MEI4: variants seen among roughly 807,000 people sequenced by gnomAD.
MEI4 encodes the protein meiosis-specific protein MEI4.
MEI4 carries 27 observed loss-of-function variants against 31.4 expected under a neutral mutation model. That is an observed-to-expected ratio of 0.86 (90% CI 0.63 to 1.19). The LOEUF (loss-of-function observed/expected upper bound fraction) is 1.19. MEI4 is among the 50% of genes most tolerant of loss of function. The pLI, the probability that MEI4 is intolerant of heterozygous loss-of-function variation, is 0.00. For synonymous variants in MEI4, 122 were observed against 145.4 expected (o/e 0.84, Z 1.16); for missense variants, 329 against 398.9 (o/e 0.82, Z 1.49).
intron 3 of MEI4, among the ~76,000 whole-genome samples, chr6:77,777,827 T>C (rs866405870): frequency 2.0e-5 from 3 of 152,098 alleles, no homozygotes; most frequent in Non-Finnish European, 2.9e-5. Context: ...GGTAAAAGCA[T>C]GTTTTACAAC....
At chr6:77,810,691 A>G (rs1362027002) in intron 3 of MEI4, among the ~76,000 whole-genome samples, 1 of 152,208 alleles carries the variant, frequency 6.6e-6, no homozygotes, top group East Asian at 1.9e-4. Flanking sequence ...GGAAAAATAC[A>G]TGTTATAGAC....
chr6:77,895,517 A>G (rs1201770357), intron 4 of MEI4, among the ~76,000 whole-genome samples: 1 of 152,172 alleles, frequency 6.6e-6, no homozygotes, highest in African/African-American at 2.4e-5. Context: ...TTGAGTCTGC[A>G]GGATCATCAT....
rs192506987 is a variant in MEI4, at chr6:77,757,756, A to T, written c.233-3374A>T. 1.8e-4 allele frequency among the ~76,000 whole-genome samples: 28 copies of T among 152,342 alleles called. 2 individuals are homozygous for T. In the East Asian group the frequency reaches 3.3e-3, roughly 18 times the overall value. On this transcript the variant is annotated intron_variant, in intron 2 of 4. Coordinates refer to ENST00000684080, the MANE Select transcript of MEI4 (RefSeq NM_001322247.2). ...AAAGAAAAGTATAATTTTCTAGATT[A>T]GTGTAGTCCGTATTTCCCCTTTATT... is the stretch of plus-strand genomic sequence containing the variant.
At chr6:77,814,561 G>A (rs73760899) in intron 3 of MEI4, among the ~76,000 whole-genome samples, 2,956 of 152,150 alleles carry the variant, frequency 0.019, 100 homozygotes, top group African/African-American at 0.067. Context: ...TAAGCCAAAA[G>A]GAAAGCATTA....
chr6:77,680,165 G>C (rs1220790848), intron 1 of MEI4, among the ~76,000 whole-genome samples: 2 of 144,066 alleles, frequency 1.4e-5, no homozygotes, highest in African/African-American at 5.2e-5. Flanking sequence ...TGTAGTCCCA[G>C]CTACTCAGGA....
At chr6:77,745,025 G>A (rs1360695180) in intron 2 of MEI4, among the ~76,000 whole-genome samples, 1 of 152,196 alleles carries the variant, frequency 6.6e-6, no homozygotes, top group Non-Finnish European at 1.5e-5. Flanking sequence ...ATGCGAAATT[G>A]TAAAGACCAT....
intron 4 of MEI4, among the ~76,000 whole-genome samples, chr6:77,919,812 G>C (rs962720897): frequency 6.7e-6 from 1 of 148,328 alleles, no homozygotes; most frequent in Non-Finnish European, 1.5e-5. Flanking sequence ...AATGATAAAG[G>C]GGATATCACC....
intron 4 of MEI4, among the ~76,000 whole-genome samples, chr6:77,871,714 T>A (rs571468645): frequency 5.3e-5 from 8 of 152,102 alleles, no homozygotes; most frequent in South Asian, 2.1e-4. Flanking sequence ...GAAATTATTT[T>A]TAAAAAAACA....
chr6:77,897,891 G>A (rs1766116705), intron 4 of MEI4, among the ~76,000 whole-genome samples: 1 of 151,898 alleles, frequency 6.6e-6, no homozygotes, highest in Non-Finnish European at 1.5e-5. Flanking sequence ...GCTCTAACCA[G>A]AGCTTTATAC....
At chr6:77,802,413 A>C (rs1221273221) in intron 3 of MEI4, among the ~76,000 whole-genome samples, 1 of 151,796 alleles carries the variant, frequency 6.6e-6, no homozygotes, top group Non-Finnish European at 1.5e-5. Flanking sequence ...ATGGGTCTTG[A>C]CTCTTTATCC....
intron 2 of MEI4, among the ~76,000 whole-genome samples, chr6:77,744,380 T>C (rs370047011): frequency 1.3e-5 from 2 of 151,606 alleles, no homozygotes; most frequent in African/African-American, 2.4e-5. Flanking sequence ...TGATGGAAGA[T>C]GAAATGAATG....
intron 3 of MEI4, among the ~76,000 whole-genome samples, chr6:77,767,419 G>A (rs1258074606): frequency 4.0e-5 from 6 of 151,792 alleles, no homozygotes; most frequent in African/African-American, 1.5e-4. Context: ...AATAAGTCAG[G>A]CATGGTGGCT....
intron 4 of MEI4, among the ~76,000 whole-genome samples, chr6:77,839,307 A>AAGTAGG (rs1368409025): frequency 6.6e-6 from 1 of 152,158 alleles, no homozygotes; most frequent in Admixed American, 6.5e-5. Flanking sequence ...TGGCAAGAAA[A>AAGTAGG]AGTAGGTAAA....
At chr6:77,860,754 G>A (rs931126826) in intron 4 of MEI4, among the ~76,000 whole-genome samples, 1 of 151,892 alleles carries the variant, frequency 6.6e-6, no homozygotes, top group Non-Finnish European at 1.5e-5. Flanking sequence ...CACTTTTCAC[G>A]GTCTCCTCTG....
At chr6:77,690,346 G>T (rs1769135408) in intron 1 of MEI4, among the ~76,000 whole-genome samples, 3 of 152,102 alleles carry the variant, frequency 2.0e-5, no homozygotes, top group South Asian at 2.1e-4. Context: ...CTCCCTCAGA[G>T]ATTCTGATAC....
chr6:77,892,037 C>G (rs1771779193), intron 4 of MEI4, among the ~76,000 whole-genome samples: 1 of 152,192 alleles, frequency 6.6e-6, no homozygotes, highest in African/African-American at 2.4e-5. Flanking sequence ...GCAGTGTCCA[C>G]TGACACCAGT....
In MEI4 at chr6:77,820,673, A is replaced by G. The variant is rs1293710518; in HGVS notation, c.769-8258A>G. 5.3e-5 allele frequency among the ~76,000 whole-genome samples: 8 copies of G among 152,026 alleles called. No homozygotes were observed. Among genetic ancestry groups the G allele is most frequent in the Non-Finnish European group, 1.2e-4 (8 of 68,014 alleles). Reference sequence around the variant, plus strand: ...CTCTTTGTTCTTGAAGGATAGTTCTAGTGGGTACACAATTATAAGCTAATA... The same window carrying G: ...CTCTTTGTTCTTGAAGGATAGTTCTGGTGGGTACACAATTATAAGCTAATA... On this transcript the variant is annotated intron_variant, in intron 3 of 4. Coordinates refer to ENST00000684080, the MANE Select transcript of MEI4 (RefSeq NM_001322247.2). The surrounding 1 kb of genome is among the most constrained non-coding windows in gnomAD (Gnocchi z 4.5).
At chr6:77,780,102 G>A (rs1378439063) in intron 3 of MEI4, among the ~76,000 whole-genome samples, 4 of 152,254 alleles carry the variant, frequency 2.6e-5, no homozygotes, top group Admixed American at 2.0e-4. Flanking sequence ...GTTGGAGTCC[G>A]GTCTGAGGGG....
chr6:77,698,534 T>C (rs1766118723), intron 2 of MEI4, among the ~76,000 whole-genome samples: 1 of 152,194 alleles, frequency 6.6e-6, no homozygotes, highest in Non-Finnish European at 1.5e-5. Context: ...TGAAACTTAG[T>C]TTGGCTGGAT....
Sources: gnomAD v4.1 joint callset for allele counts (sites outside exome capture counted in the v4.1 genomes callset) on GRCh38, gnomAD v4.1.1 for gene constraint, Gnocchi (gnomAD v3.1) non-coding constraint, MANE v1.5 for transcripts, NCBI Gene and HGNC (gene_info 2026-07-23, HGNC 2026-07-21) for gene names.